Variants in PLXNA2 observed in about 807,000 individuals in gnomAD.
The protein encoded by PLXNA2 is plexin-A2.
In PLXNA2, 91 loss-of-function variants were observed where a neutral mutation model predicts 193.5. The ratio of observed to expected loss-of-function variants is 0.47; its 90% CI spans 0.40 to 0.56. The LOEUF is 0.56. Ranked by LOEUF, PLXNA2 falls within the 20% of genes least tolerant of loss-of-function variation. The probability of loss-of-function intolerance (pLI) is 0.00; values close to 1 mark genes in which losing one functional copy is unlikely to be tolerated. For missense variants in PLXNA2, 1,995 were observed against 2,503.2 expected (o/e 0.80, Z 4.33); for synonymous variants, 997 against 1,027.3 (o/e 0.97, Z 0.56).
At chr1:208,076,244 T>A (rs1558179509) in intron 12 of PLXNA2, among the ~76,000 whole-genome samples, 1 of 151,588 alleles carries the variant, frequency 6.6e-6, no homozygotes, top group Admixed American at 6.6e-5. Context: ...AATTTAGAAT[T>A]ATTATTATTA....
rs58973301 is a variant in PLXNA2 at position 208,045,027 on chromosome 1, G to T, written c.3639+40C>A. ...TTAGGACAGATCACACATGCACCAC[G>T]AGGCGGGAAGGAGGCATTACAGACG... On this transcript the variant is annotated intron_variant, in intron 19 of 31. Transcript: ENST00000367033. 6.8e-6 allele frequency: 11 copies of T among 1,612,562 alleles called. No individual in the cohort carries two copies. In the South Asian group the frequency reaches 1.2e-4, roughly 18 times the overall value.
chr1:208,108,225 A>G (rs952757829), intron 4 of PLXNA2, among the ~76,000 whole-genome samples: 1 of 152,076 alleles, frequency 6.6e-6, no homozygotes, highest in African/African-American at 2.4e-5. Flanking sequence ...ACACATTATC[A>G]GATAATTATT....
At chr1:208,058,115 G>A (rs1665499593) in intron 13 of PLXNA2, among the ~76,000 whole-genome samples, 1 of 152,116 alleles carries the variant, frequency 6.6e-6, no homozygotes, top group South Asian at 2.1e-4. Flanking sequence ...TCCCTGGGGC[G>A]GAAGCACACA....
At position 208,033,504 on chromosome 1, in the gene PLXNA2, A is replaced by AGGAGTCT; in HGVS notation, c.4865-2_4869dup (p.Ser1624ArgfsTer38). 1 of 1,600,796 alleles carries AGGAGTCT rather than the reference A, an allele frequency of 6.2e-7. No individual in the cohort carries two copies. The highest frequency in any genetic ancestry group is 1.7e-5 in the Admixed American group (1 of 59,678). ...TCGGGGCTGCCCGTATACCTGAAGG[A>AGGAGTCT]GGAGTCTGAGGAGAAGGGGTTGGTG... is the stretch of plus-strand genomic sequence containing the variant. On this transcript the variant is annotated frameshift_variant, in exon 28 of 32. Coordinates refer to ENST00000367033, the MANE Select transcript of PLXNA2 (RefSeq NM_025179.4). LOFTEE classifies it high-confidence loss of function.
chr1:208,186,713 A>AT lies in PLXNA2; in HGVS notation c.1371+23566dup, dbSNP rs1213903948. On this transcript the variant is annotated intron_variant, in intron 3 of 31. Transcript: ENST00000367033. ...GTCCTGGGAATTGCAATGTTATTTT[A>AT]TTTTTTTTTTTTTTTTTGAGACGGA... Among the ~76,000 whole-genome samples the AT allele has an allele frequency of 9.5e-3, 1,241 of 130,892 alleles. 10 individuals are homozygous for AT. Among genetic ancestry groups the AT allele is most frequent in the Non-Finnish European group, 0.015 (974 of 64,424 alleles). 85.9% of individuals were successfully genotyped at this position (130,892 alleles called of 152,430 possible). A position where few individuals can be genotyped will look rare whatever the true frequency, so the allele number is the denominator to read the frequency against.
chr1:208,156,418 T>A (rs998160269), intron 3 of PLXNA2, among the ~76,000 whole-genome samples: 2 of 152,084 alleles, frequency 1.3e-5, no homozygotes, highest in African/African-American at 4.8e-5. Context: ...ACGCCAGGCA[T>A]CTTATGTAAA....
At chr1:208,155,236 G>A (rs867121715) in intron 3 of PLXNA2, among the ~76,000 whole-genome samples, 8 of 152,274 alleles carry the variant, frequency 5.3e-5, no homozygotes, top group Admixed American at 1.3e-4. Context: ...CCGGTGCTGG[G>A]GACACAGAGG....
intron 1 of PLXNA2, among the ~76,000 whole-genome samples, chr1:208,235,559 G>A (rs905283828): frequency 9.2e-5 from 14 of 152,206 alleles, no homozygotes; most frequent in Non-Finnish European, 1.9e-4. Context: ...CTGCCAGAGC[G>A]TAACTAACCT....
intron 3 of PLXNA2, among the ~76,000 whole-genome samples, chr1:208,179,085 G>A (rs1371553939): frequency 6.6e-6 from 1 of 152,206 alleles, no homozygotes; most frequent in Non-Finnish European, 1.5e-5. Flanking sequence ...GGGCTACGGA[G>A]AGTCTCTGGT....
intron 4 of PLXNA2, among the ~76,000 whole-genome samples, chr1:208,109,204 G>C (rs1272141031): frequency 3.3e-5 from 5 of 152,114 alleles, no homozygotes; most frequent in African/African-American, 1.2e-4. Context: ...ACAGCCTCCT[G>C]GTCCTCAGGG....
chr1:208,144,185 C>A (rs1238606229), intron 3 of PLXNA2, among the ~76,000 whole-genome samples: 1 of 152,188 alleles, frequency 6.6e-6, no homozygotes, highest in African/African-American at 2.4e-5. Flanking sequence ...CAGGCCAAGG[C>A]ACCATGACTT....
intron 29 of PLXNA2, chr1:208,029,727 T>G (rs1372275683): frequency 1.0e-6 from 1 of 985,668 alleles, no homozygotes; most frequent in Non-Finnish European, 1.2e-6. Context: ...CGATCAGTAG[T>G]TAGGAGACTT....
At chr1:208,191,435 C>T (rs936314256) in intron 3 of PLXNA2, among the ~76,000 whole-genome samples, 1 of 152,018 alleles carries the variant, frequency 6.6e-6, no homozygotes, top group East Asian at 1.9e-4. Context: ...AAAATCGTGG[C>T]GCGTACTGAG....
intron 2 of PLXNA2, among the ~76,000 whole-genome samples, chr1:208,215,018 CT>C (rs950809089): frequency 7.4e-5 from 11 of 149,292 alleles, no homozygotes; most frequent in East Asian, 2.0e-4. Context: ...GTGATCATGT[CT>C]TTTTTTTTTC....
At chr1:208,094,269 T>C (rs920470208) in intron 8 of PLXNA2, among the ~76,000 whole-genome samples, 3 of 152,200 alleles carry the variant, frequency 2.0e-5, no homozygotes, top group African/African-American at 7.2e-5. Flanking sequence ...TGACCTTCAT[T>C]GTAGCACTAA....
chr1:208,233,426 A>G (rs775177285), intron 1 of PLXNA2, among the ~76,000 whole-genome samples: 1 of 152,132 alleles, frequency 6.6e-6, no homozygotes, highest in Non-Finnish European at 1.5e-5. Flanking sequence ...CTGCTTCCCC[A>G]GGGCCCTGCT....
chr1:208,152,614 C>A (rs934927551), intron 3 of PLXNA2, among the ~76,000 whole-genome samples: 3 of 151,600 alleles, frequency 2.0e-5, no homozygotes, highest in African/African-American at 7.3e-5. Context: ...TGAACATACA[C>A]TACTTTTGGA....
At chr1:208,086,629 C>G (rs117748068) in intron 9 of PLXNA2, among the ~76,000 whole-genome samples, 8 of 151,946 alleles carry the variant, frequency 5.3e-5, no homozygotes, top group Non-Finnish European at 7.4e-5. Context: ...CAGGCAGGCA[C>G]GGCATCCACG....
chr1:208,209,744 A>C (rs1670864913), intron 3 of PLXNA2, among the ~76,000 whole-genome samples: 1 of 152,164 alleles, frequency 6.6e-6, no homozygotes, highest in Non-Finnish European at 1.5e-5. Flanking sequence ...GATTGCAGGA[A>C]GAGGAAAGAC....
Sources: allele counts gnomAD v4.1 joint callset (sites outside exome capture counted in the v4.1 genomes callset), GRCh38; gene constraint gnomAD v4.1.1; transcripts MANE v1.5; gene names NCBI Gene and HGNC (gene_info 2026-07-23, HGNC 2026-07-21).